Variants in CNMD observed in about 807,000 individuals in gnomAD.
CNMD encodes chondromodulin, also known as leukocyte cell-derived chemotaxin 1.
Under a neutral mutation model 37.5 loss-of-function variants are expected in CNMD, and 30 were observed. The observed-to-expected ratio is 0.80, with a 90% CI of 0.60 to 1.09. CNMD has a LOEUF of 1.09. CNMD is among the 50% of genes least tolerant of loss of function. The pLI, the probability that CNMD is intolerant of heterozygous loss-of-function variation, is 0.00. For synonymous variants in CNMD, 167 were observed against 148.2 expected, an observed-to-expected ratio of 1.13 and a Z score of -0.92; for missense variants, 398 against 423.9, an observed-to-expected ratio of 0.94 and a Z score of 0.54.
intron 4 of CNMD, among the ~76,000 whole-genome samples, chr13:52,713,841 G>T (rs188840228): frequency 6.6e-6 from 1 of 152,082 alleles, no homozygotes; most frequent in East Asian, 1.9e-4. Flanking sequence ...GGGGTGATTG[G>T]GATAATGCAT....
At chr13:52,733,408 A>G in intron 2 of CNMD, 49 bp from the exon 3 acceptor site, 4 of 1,583,886 alleles carry the variant, frequency 2.5e-6, no homozygotes, top group Non-Finnish European at 3.5e-6. Context: ...TGAGCAATTC[A>G]GGGCTTATCT....
At chr13:52,711,725 A>C (rs1330744131) in intron 5 of CNMD, among the ~76,000 whole-genome samples, 1 of 152,232 alleles carries the variant, frequency 6.6e-6, no homozygotes, top group South Asian at 2.1e-4. Context: ...TAAAATATAC[A>C]TAACGAAATT....
chr13:52,719,031 T>C (rs1351440000), intron 4 of CNMD, among the ~76,000 whole-genome samples: 1 of 152,206 alleles, frequency 6.6e-6, no homozygotes, highest in Non-Finnish European at 1.5e-5. Context: ...TGCATATATA[T>C]TTAGGATAGT....
intron 6 of CNMD, among the ~76,000 whole-genome samples, chr13:52,705,718 A>C (rs1001572342): frequency 3.9e-5 from 6 of 152,212 alleles, no homozygotes; most frequent in South Asian, 4.1e-4. Context: ...TTCTGCTTAA[A>C]GTCCAACATA....
chr13:52,703,941 G>C, intron 6 of CNMD, 131 bp from the exon 7 acceptor site: 1 of 680,704 alleles, frequency 1.5e-6, no homozygotes, highest in Non-Finnish European at 2.4e-6. Flanking sequence ...GTTTGATCTT[G>C]TTTACCCTGT....
At chr13:52,706,261 A>G (rs987951867) in intron 6 of CNMD, among the ~76,000 whole-genome samples, 3 of 152,232 alleles carry the variant, frequency 2.0e-5, no homozygotes, top group Non-Finnish European at 4.4e-5. Context: ...GTTTGCAGAC[A>G]TAGGGCTGAT....
rs374951773 is a variant in CNMD at position 52,707,603 on chromosome 13, G to T, written c.789+933C>A. ...TAAAGTGGATATAAAGGGGGAAAGA[G>T]AATACTTCCATTCCATATGTTGCCT... On this transcript the variant is annotated intron_variant, in intron 6 of 6. Coordinates refer to ENST00000377962, the MANE Select transcript of CNMD (RefSeq NM_007015.3). 9.2e-5 allele frequency among the ~76,000 whole-genome samples: 14 copies of T among 152,310 alleles called. No individual in the cohort carries two copies. In the East Asian group the frequency reaches 2.5e-3, roughly 27 times the overall value.
chr13:52,732,585 T>A (rs1402631287), intron 3 of CNMD, among the ~76,000 whole-genome samples: 1 of 152,240 alleles, frequency 6.6e-6, no homozygotes, highest in Non-Finnish European at 1.5e-5. Flanking sequence ...CATGGTCATT[T>A]TCTGGATTAA....
At chr13:52,707,488 C>G (rs1328822998) in intron 6 of CNMD, among the ~76,000 whole-genome samples, 1 of 152,034 alleles carries the variant, frequency 6.6e-6, no homozygotes, top group African/African-American at 2.4e-5. Context: ...TGGCTCTATC[C>G]TCTAACTGGA....
At chr13:52,707,665 A>G (rs1171985774) in intron 6 of CNMD, among the ~76,000 whole-genome samples, 2 of 152,156 alleles carry the variant, frequency 1.3e-5, no homozygotes, top group East Asian at 3.8e-4. Context: ...CAAATAATCA[A>G]ATTCCTGATA....
intron 4 of CNMD, among the ~76,000 whole-genome samples, chr13:52,719,927 A>T (rs2138245077): frequency 6.6e-6 from 1 of 152,090 alleles, no homozygotes; most frequent in South Asian, 2.1e-4. Context: ...GTGTTTCCCA[A>T]CTTGGTTCCA....
intron 2 of CNMD, among the ~76,000 whole-genome samples, chr13:52,737,114 A>G (rs1253148763): frequency 6.6e-6 from 1 of 152,106 alleles, no homozygotes; most frequent in Non-Finnish European, 1.5e-5. Context: ...GATAATCCCC[A>G]AAGAGTGGAT....
At chr13:52,712,693 C>G in intron 5 of CNMD, 23 bp downstream of exon 5, 6 of 1,463,048 alleles carry the variant, frequency 4.1e-6, no homozygotes, top group Non-Finnish European at 5.4e-6. Context: ...TTGTAAACAG[C>G]TTAAGATAAT....
At chr13:52,727,612 G>C (rs1008171378) in intron 3 of CNMD, among the ~76,000 whole-genome samples, 2 of 152,048 alleles carry the variant, frequency 1.3e-5, no homozygotes, top group African/African-American at 4.8e-5. Flanking sequence ...AATACTATTT[G>C]GCCATAGAAA....
intron 3 of CNMD, among the ~76,000 whole-genome samples, chr13:52,731,146 A>T (rs1004863677): frequency 6.6e-6 from 1 of 152,092 alleles, no homozygotes; most frequent in Non-Finnish European, 1.5e-5. Context: ...GGTCATCACT[A>T]CATCTGCAAG....
intron 6 of CNMD, among the ~76,000 whole-genome samples, chr13:52,707,049 G>A (rs1371453726): frequency 6.6e-6 from 1 of 151,912 alleles, no homozygotes; most frequent in Non-Finnish European, 1.5e-5. Context: ...GCACGTCACT[G>A]TGCCAGCTAA....
In CNMD at chr13:52,739,564, C is replaced by A. The variant is rs147722993; in HGVS notation, c.72+66G>T. ...CATTCGGTGGCACGCACCCCTGAGTCCGAACTGTGGAACCTGATACTCACA... is the reference window on the plus strand; with the variant it reads ...CATTCGGTGGCACGCACCCCTGAGTACGAACTGTGGAACCTGATACTCACA... On this transcript the variant is annotated intron_variant, in intron 1 of 6. Transcript: ENST00000377962. This position sits in a 1 kb window ranked among gnomAD's most constrained non-coding sequence, Gnocchi z 5.4. The A allele has an allele frequency of 2.8e-4, 407 of 1,440,472 alleles. 3 individuals carry two copies. In the African/African-American group the frequency reaches 5.2e-3, roughly 19 times the overall value. 89.2% of individuals were successfully genotyped at this position (1,440,472 alleles called of 1,614,324 possible).
At chr13:52,708,148 C>T (rs1168630945) in intron 6 of CNMD, among the ~76,000 whole-genome samples, 1 of 151,338 alleles carries the variant, frequency 6.6e-6, no homozygotes, top group African/African-American at 2.4e-5. Context: ...TACTTATATG[C>T]GCGTTTGAAA....
intron 3 of CNMD, among the ~76,000 whole-genome samples, chr13:52,725,864 G>C (rs1203035365): frequency 6.6e-6 from 1 of 152,172 alleles, no homozygotes; most frequent in Non-Finnish European, 1.5e-5. Flanking sequence ...AGTCATGCTG[G>C]AGGGGATTAA....
Sources: gnomAD v4.1 joint callset for allele counts (sites outside exome capture counted in the v4.1 genomes callset) on GRCh38, gnomAD v4.1.1 for gene constraint, Gnocchi (gnomAD v3.1) non-coding constraint, MANE v1.5 for transcripts, NCBI Gene and HGNC (gene_info 2026-07-23, HGNC 2026-07-21) for gene names.